Variants in ANKS1A observed in about 807,000 individuals in gnomAD.
ANKS1A encodes the protein ankyrin repeat and SAM domain-containing protein 1A.
In ANKS1A, 55 loss-of-function variants were observed where a neutral mutation model predicts 120.3. The ratio of observed to expected loss-of-function variants is 0.46; its 90% CI spans 0.37 to 0.57. ANKS1A has a LOEUF of 0.57. ANKS1A is among the 20% of genes least tolerant of loss of function. The probability of loss-of-function intolerance (pLI) is 0.00; values close to 1 mark genes in which losing one functional copy is unlikely to be tolerated. For missense variants in ANKS1A, 1,123 were observed against 1,480.3 expected (o/e 0.76, Z 3.96); for synonymous variants, 590 against 604.7 (o/e 0.98, Z 0.36).
At chr6:34,941,816 T>A (rs965592875) in intron 1 of ANKS1A, among the ~76,000 whole-genome samples, 7 of 152,186 alleles carry the variant, frequency 4.6e-5, no homozygotes, top group African/African-American at 1.4e-4. Context: ...ATGTATGACC[T>A]GGGCTAGGAA....
chr6:34,925,074 C>G (rs1768639588), intron 1 of ANKS1A, among the ~76,000 whole-genome samples: 1 of 152,092 alleles, frequency 6.6e-6, no homozygotes, highest in Non-Finnish European at 1.5e-5. Context: ...TTCAAGTGTT[C>G]TTATATTTCT....
chr6:35,041,383 C>T lies in ANKS1A; in HGVS notation c.2011-12716C>T, dbSNP rs117740104. On this transcript the variant is annotated intron_variant, in intron 11 of 23. Transcript: ENST00000360359. Reference sequence around the variant, plus strand: ...GAGATGGCCTTTGAATTGTGGGCAGCTCGGGGGTCTCCCACTGCAAAGGTC... The same window carrying T: ...GAGATGGCCTTTGAATTGTGGGCAGTTCGGGGGTCTCCCACTGCAAAGGTC... Among the ~76,000 whole-genome samples the T allele has an allele frequency of 3.5e-4, 54 of 152,304 alleles. No homozygotes were observed. In the East Asian group the frequency reaches 9.5e-3, roughly 27 times the overall value.
intron 1 of ANKS1A, among the ~76,000 whole-genome samples, chr6:34,895,781 T>TG (rs1767043846): frequency 2.8e-5 from 2 of 71,626 alleles, no homozygotes; most frequent in African/African-American, 3.0e-4. Flanking sequence ...AATGTCTTTC[T>TG]TTTTTTTTTT....
chr6:35,080,950 T>TG (rs1270509032), intron 16 of ANKS1A, 44 bp from the exon 17 acceptor site: 1 of 1,592,898 alleles, frequency 6.3e-7, no homozygotes, highest in Non-Finnish European at 8.6e-7. Flanking sequence ...AGTCGGGCAC[T>TG]GGGCCGAGGG....
chr6:35,027,687 C>T (rs1211283173), intron 11 of ANKS1A, among the ~76,000 whole-genome samples: 7 of 152,144 alleles, frequency 4.6e-5, no homozygotes, highest in Non-Finnish European at 1.0e-4. Flanking sequence ...AGTGTTATGC[C>T]AGCATCCTCA....
intron 13 of ANKS1A, among the ~76,000 whole-genome samples, chr6:35,069,241 T>G (rs1776947569): frequency 6.6e-6 from 1 of 152,142 alleles, no homozygotes; most frequent in Admixed American, 6.5e-5. Flanking sequence ...ATTGTGGTTA[T>G]GAATGAAGCC....
At chr6:34,942,228 C>T (rs541079662) in intron 1 of ANKS1A, among the ~76,000 whole-genome samples, 3 of 152,336 alleles carry the variant, frequency 2.0e-5, no homozygotes, top group African/African-American at 7.2e-5. Flanking sequence ...TTGGCCATCT[C>T]TTCTTTCTTT....
At position 35,082,531 on chromosome 6, in the gene ANKS1A, G is replaced by A. The variant is rs897608973; in HGVS notation, c.2710-160G>A. 6.6e-6 allele frequency among the ~76,000 whole-genome samples: 1 copy of A among 152,146 alleles called. No homozygotes were observed. The highest frequency in any genetic ancestry group is 1.5e-5 in the Non-Finnish European group (1 of 68,026). The stretch of plus-strand genomic sequence containing the variant: ...TGGCTAGCACCTCCCCTCTCCCGCA[G>A]TGTGTTTGAATTGCTGGTCTGCCCC... On this transcript the variant is annotated intron_variant, in intron 17 of 23. Transcript: ENST00000360359. The surrounding 1 kb of genome is among the most constrained non-coding windows in gnomAD (Gnocchi z 4.1).
At chr6:35,040,696 C>T (rs1478125417) in intron 11 of ANKS1A, among the ~76,000 whole-genome samples, 2 of 152,248 alleles carry the variant, frequency 1.3e-5, no homozygotes, top group African/African-American at 4.8e-5. Context: ...ACTTATTACT[C>T]AAGCATCTGA....
chr6:35,093,302 G>T (rs192970343), downstream of ANKS1A, among the ~76,000 whole-genome samples: 2 of 152,140 alleles, frequency 1.3e-5, no homozygotes, highest in Non-Finnish European at 2.9e-5. Context: ...GGAGGAGGGA[G>T]TGCAGGGAGA....
chr6:34,893,482 C>G (rs1316742362), intron 1 of ANKS1A, among the ~76,000 whole-genome samples: 1 of 152,046 alleles, frequency 6.6e-6, no homozygotes, highest in East Asian at 1.9e-4. Context: ...GATCTGTTTT[C>G]CAAGCATGGC....
At chr6:35,078,253 G>A (rs1181192363) in intron 13 of ANKS1A, among the ~76,000 whole-genome samples, 2 of 152,186 alleles carry the variant, frequency 1.3e-5, no homozygotes, top group Non-Finnish European at 2.9e-5. Context: ...CTGCTCCCCA[G>A]AAAAATGCAC....
At position 35,067,808 on chromosome 6, in the gene ANKS1A, G is replaced by A. The variant is rs1484193773; in HGVS notation, c.2184+7555G>A. Among the ~76,000 whole-genome samples the A allele has an allele frequency of 5.9e-5, 9 of 151,306 alleles. No individual in the cohort carries two copies. In the South Asian group the frequency reaches 1.3e-3, roughly 21 times the overall value. ...TTAATTAACTTAGGAAGATAACACC[G>A]AACAGTGGCCTTATGTTTCCCCCTG... On this transcript the variant is annotated intron_variant, in intron 13 of 23. Coordinates refer to ENST00000360359, the MANE Select transcript of ANKS1A (RefSeq NM_015245.3).
intron 1 of ANKS1A, among the ~76,000 whole-genome samples, chr6:34,944,392 A>G: frequency 6.6e-6 from 1 of 152,208 alleles, no homozygotes; most frequent in Non-Finnish European, 1.5e-5. Context: ...AGCCATTCAA[A>G]TAGATATTTA....
chr6:35,078,009 A>G (rs891462619), intron 13 of ANKS1A, among the ~76,000 whole-genome samples: 4 of 152,144 alleles, frequency 2.6e-5, no homozygotes, highest in Non-Finnish European at 4.4e-5. Flanking sequence ...CTCAGAAAAC[A>G]GCACGGACTG....
intron 3 of ANKS1A, among the ~76,000 whole-genome samples, chr6:34,971,711 A>G (rs571672300): frequency 6.6e-6 from 1 of 152,198 alleles, no homozygotes; most frequent in Non-Finnish European, 1.5e-5. Context: ...TGCAGCTCTC[A>G]GTTAGCTGTT....
intron 1 of ANKS1A, among the ~76,000 whole-genome samples, chr6:34,905,301 T>C (rs1362128680): frequency 6.6e-6 from 1 of 152,226 alleles, no homozygotes; most frequent in East Asian, 1.9e-4. Flanking sequence ...TTGTCCTCAA[T>C]GGGGCCAGCC....
intron 1 of ANKS1A, among the ~76,000 whole-genome samples, chr6:34,903,908 T>C (rs1423582569): frequency 2.0e-5 from 3 of 152,210 alleles, no homozygotes; most frequent in African/African-American, 7.2e-5. Flanking sequence ...CATTGTAGCC[T>C]TGAACTCTTG....
At chr6:34,892,476 C>T (rs1013154360) in intron 1 of ANKS1A, among the ~76,000 whole-genome samples, 4 of 152,180 alleles carry the variant, frequency 2.6e-5, no homozygotes, top group African/African-American at 9.7e-5. Context: ...GTACTGCCAA[C>T]TGTAACTTGC....
Sources: allele counts gnomAD v4.1 joint callset (sites outside exome capture counted in the v4.1 genomes callset), GRCh38; gene constraint gnomAD v4.1.1; non-coding constraint Gnocchi (gnomAD v3.1); transcripts MANE v1.5; gene names NCBI Gene and HGNC (gene_info 2026-07-23, HGNC 2026-07-21).